The following REV1 variants were observed in gnomAD, a reference collection of about 807,000 sequenced individuals.
The protein encoded by REV1 is translesion synthesis protein REV1.
A neutral mutation model predicts 137.4 loss-of-function variants in REV1; 42 were observed. The ratio of observed to expected loss-of-function variants is 0.31; its 90% CI spans 0.24 to 0.40. The LOEUF (loss-of-function observed/expected upper bound fraction) is 0.40. REV1 is among the 10% of genes least tolerant of loss of function. The probability of loss-of-function intolerance (pLI) is 1.00; values close to 1 mark genes in which losing one functional copy is unlikely to be tolerated. For missense variants in REV1, 1,282 were observed against 1,490.1 expected (o/e 0.86, Z 2.30); for synonymous variants, 524 against 519.2 (o/e 1.01, Z -0.12).
intron 13 of REV1, 124 bp from the exon 14 acceptor site, chr2:99,410,991 T>A: frequency 1.1e-6 from 1 of 918,850 alleles, no homozygotes; most frequent in Non-Finnish European, 1.5e-6. Flanking sequence ...TCAGCATCTA[T>A]TAAAAAGAAA....
intron 4 of REV1, among the ~76,000 whole-genome samples, chr2:99,445,172 G>A (rs1261273562): frequency 6.6e-6 from 1 of 150,680 alleles, no homozygotes; most frequent in African/African-American, 2.4e-5. Flanking sequence ...AAACTCATGA[G>A]AGATAAAATT....
Position 99,412,718 on chromosome 2 carries a change from C to A in REV1, c.2172+13G>T. On this transcript the variant is annotated intron_variant, in intron 13 of 22. Transcript: ENST00000258428. ...AGAGCAACAGATGGCAAAATCTGTT[C>A]AATGATCAGTACCTGAGTAAACCTT... 2 of 1,601,262 alleles carry A rather than the reference C, an allele frequency of 1.2e-6. No homozygotes were observed. The highest frequency in any genetic ancestry group is 2.2e-5 in the South Asian group (2 of 90,770).
chr2:99,434,396 A>G lies in REV1; in HGVS notation c.1374T>C (p.Arg458=). The G allele has an allele frequency of 6.2e-7, 1 of 1,605,814 alleles. No homozygotes were observed. The highest frequency in any genetic ancestry group is 8.5e-7 in the Non-Finnish European group (1 of 1,176,354). ...ACTCCAGCTGGGGGTTAGCGCCAGG[A>G]CGTAAAGGTGCCCTTCCTGTGCCTC... is the stretch of plus-strand genomic sequence containing the variant. The part of the protein sequence containing the change: ...SNRGTGRAPL[R]PGANPQLEWQ... Residue 458 remains arginine, a synonymous_variant, in exon 8 of 23, where the codon CGT becomes CGC. Coordinates refer to ENST00000258428, the MANE Select transcript of REV1 (RefSeq NM_016316.4).
chr2:99,433,017 G>A (rs141172704), intron 8 of REV1, among the ~76,000 whole-genome samples: 1,669 of 152,302 alleles, frequency 0.011, 9 homozygotes, highest in Middle Eastern at 0.024. Context: ...GAGCACTGAA[G>A]ATGCTACTGC....
At chr2:99,483,012 C>A in intron 1 of REV1, among the ~76,000 whole-genome samples, 1 of 131,698 alleles carries the variant, frequency 7.6e-6, no homozygotes. Context: ...GGCAAAACTC[C>A]GTTTCAAAAA....
chr2:99,478,847 A>T (rs1278265746), intron 1 of REV1, among the ~76,000 whole-genome samples: 1 of 152,168 alleles, frequency 6.6e-6, no homozygotes, highest in East Asian at 1.9e-4. Flanking sequence ...TGCGGCACAC[A>T]CTTTGAGAAC....
At chr2:99,472,452 T>A (rs1293992384) in intron 1 of REV1, among the ~76,000 whole-genome samples, 2 of 152,178 alleles carry the variant, frequency 1.3e-5, no homozygotes, top group Non-Finnish European at 2.9e-5. Context: ...AGATGGATAG[T>A]GGTGATGGTT....
At chr2:99,403,928 G>A (rs555472058) in intron 18 of REV1, 113 bp from the exon 19 acceptor site, 12 of 1,313,200 alleles carry the variant, frequency 9.1e-6, no homozygotes, top group South Asian at 2.7e-5. Context: ...TGATCTGTAC[G>A]AATTCTTAAC....
intron 4 of REV1, among the ~76,000 whole-genome samples, chr2:99,447,708 T>G (rs1479260832): frequency 6.6e-6 from 1 of 151,894 alleles, no homozygotes; most frequent in Non-Finnish European, 1.5e-5. Context: ...CCTGAGTGAC[T>G]GCATAAAGTT....
chr2:99,449,322 T>C lies in REV1; in HGVS notation c.350+14A>G, dbSNP rs771165682. ...TTAAAAATTTATTAATTAAATTTAA[T>C]AAATTAAACTTACCTTTCCACAATC... On this transcript the variant is annotated intron_variant, in intron 4 of 22. Transcript: ENST00000258428. 6.4e-6 allele frequency: 9 copies of C among 1,413,834 alleles called. No homozygotes were observed. The East Asian group carries it at 2.3e-4, about 36-fold the overall frequency. 87.6% of individuals were successfully genotyped at this position (1,413,834 alleles called of 1,614,324 possible).
At chr2:99,421,227 T>TG (rs1213737148) in intron 11 of REV1, among the ~76,000 whole-genome samples, 1 of 151,216 alleles carries the variant, frequency 6.6e-6, no homozygotes, top group Non-Finnish European at 1.5e-5. Context: ...CGTTCACTTT[T>TG]GGGAAAAAAA....
At position 99,401,102 on chromosome 2, in the gene REV1, A is replaced by G; in HGVS notation, c.*139T>C. ...ATACTGACAAATTTGGCACTTTTTG[A>G]AAAGAAATGTACAAAACACTTGCTT... On this transcript the variant is annotated 3_prime_UTR_variant, in exon 23 of 23. Transcript: ENST00000258428. The G allele has an allele frequency of 2.0e-6, 1 of 505,796 alleles. No homozygotes were observed. The highest frequency in any genetic ancestry group is 3.5e-6 in the Non-Finnish European group (1 of 286,750). 31.3% of individuals were successfully genotyped at this position (505,796 alleles called of 1,614,324 possible). A position where few individuals can be genotyped will look rare whatever the true frequency, so the allele number is the denominator to read the frequency against.
chr2:99,460,568 T>C (rs1243909238), intron 3 of REV1, among the ~76,000 whole-genome samples: 1 of 152,218 alleles, frequency 6.6e-6, no homozygotes, highest in African/African-American at 2.4e-5. Context: ...CACCTCCTAC[T>C]TGTCTTATTA....
At chr2:99,476,336 T>C (rs1685972657) in intron 1 of REV1, among the ~76,000 whole-genome samples, 1 of 152,080 alleles carries the variant, frequency 6.6e-6, no homozygotes, top group African/African-American at 2.4e-5. Context: ...GGCGGGCAGA[T>C]CACAAGGTTA....
intron 9 of REV1, among the ~76,000 whole-genome samples, chr2:99,428,623 T>C (rs1005766098): frequency 6.6e-6 from 1 of 152,200 alleles, no homozygotes; most frequent in African/African-American, 2.4e-5. Context: ...AAAACTATTA[T>C]GATTAGACGA....
At chr2:99,402,147 G>A (rs1016715980) in intron 22 of REV1, 97 bp downstream of exon 22, 24 of 611,846 alleles carry the variant, frequency 3.9e-5, no homozygotes, top group African/African-American at 3.4e-4. Context: ...TAACCCTAAT[G>A]AGTACAGTTT....
Position 99,434,403 on chromosome 2 carries a change from G to C in REV1, c.1367C>G (p.Pro456Arg). ...VTSNRGTGRAPLRPGANPQLE... is the reference protein window; with the variant it reads ...VTSNRGTGRARLRPGANPQLE... ...CTGGGGGTTAGCGCCAGGACGTAAA[G>C]GTGCCCTTCCTGTGCCTCTGTTACT... is the stretch of plus-strand genomic sequence containing the variant. Residue 456 changes from proline (P) to arginine (R), a missense_variant, in exon 8 of 23, where the codon CCT (proline) becomes CGT (arginine). Pro to Arg is a moderately radical substitution (Grantham distance 103). Transcript: ENST00000258428. 6.2e-7 allele frequency: 1 copy of C among 1,604,738 alleles called. No homozygotes were observed. The highest frequency in any genetic ancestry group is 1.1e-5 in the South Asian group (1 of 89,168).
chr2:99,470,564 T>C (rs552789172), intron 1 of REV1, among the ~76,000 whole-genome samples: 35 of 152,390 alleles, frequency 2.3e-4, no homozygotes, highest in Admixed American at 1.8e-3. Context: ...GGCAAGCTTA[T>C]ACTGGTCCAA....
At chr2:99,446,762 G>C (rs1174678243) in intron 4 of REV1, among the ~76,000 whole-genome samples, 3 of 152,100 alleles carry the variant, frequency 2.0e-5, no homozygotes, top group Admixed American at 2.0e-4. Context: ...CAAAGTGGGG[G>C]GATTACATGC....
Sources: allele counts gnomAD v4.1 joint callset (sites outside exome capture counted in the v4.1 genomes callset), GRCh38; gene constraint gnomAD v4.1.1; transcripts MANE v1.5; gene names NCBI Gene and HGNC (gene_info 2026-07-23, HGNC 2026-07-21).